SLC9A4: variants seen among roughly 807,000 people sequenced by gnomAD.
SLC9A4 encodes the protein solute carrier family 9 member A4, also known as sodium/hydrogen exchanger 4.
SLC9A4 carries 63 observed loss-of-function variants against 67.4 expected under a neutral mutation model. The observed-to-expected ratio is 0.93, with a 90% CI of 0.76 to 1.15. The LOEUF is 1.15. Among genes scored for constraint, SLC9A4 ranks in the 50% most tolerant of loss-of-function variants. The pLI is 0.00. For synonymous variants in SLC9A4, 393 were observed against 367.2 expected, an observed-to-expected ratio of 1.07 and a Z score of -0.80; for missense variants, 1,089 against 987.7, an observed-to-expected ratio of 1.10 and a Z score of -1.38.
At chr2:102,499,208 C>T (rs1434216500) in intron 2 of SLC9A4, among the ~76,000 whole-genome samples, 3 of 152,128 alleles carry the variant, frequency 2.0e-5, no homozygotes, top group African/African-American at 4.8e-5. Flanking sequence ...ATGGGCATCC[C>T]TGCAGTTAGA....
At chr2:102,492,397 A>G (rs1370373509) in intron 2 of SLC9A4, among the ~76,000 whole-genome samples, 5 of 152,248 alleles carry the variant, frequency 3.3e-5, no homozygotes, top group African/African-American at 1.2e-4. Flanking sequence ...CATACATTCT[A>G]TGAAATCTAG....
chr2:102,513,969 C>G (rs971285720), intron 7 of SLC9A4, 121 bp from the exon 8 acceptor site: 1 of 1,318,620 alleles, frequency 7.6e-7, no homozygotes, highest in African/African-American at 1.5e-5. Flanking sequence ...ATTCCAGGCA[C>G]TGTCCTGATG....
chr2:102,477,345 C>A (rs918025942), intron 1 of SLC9A4, among the ~76,000 whole-genome samples: 5 of 152,200 alleles, frequency 3.3e-5, no homozygotes, highest in African/African-American at 1.2e-4. Flanking sequence ...CCCAAATATG[C>A]AAATCCTCAT....
rs552093292 is a variant in SLC9A4 at position 102,492,702 on chromosome 2, C to T, written c.721-10746C>T. On this transcript the variant is annotated intron_variant, in intron 2 of 11. Transcript: ENST00000295269. ...AAGGTCTCTGATATGTCCTGGAGAC[C>T]CTGGAGACATTTTCCCTATTGTCTT... is the stretch of plus-strand genomic sequence containing the variant. Among the ~76,000 whole-genome samples the T allele has an allele frequency of 2.6e-5, 4 of 152,268 alleles. No homozygotes were observed. The South Asian group carries it at 6.2e-4, about 24-fold the overall frequency.
At chr2:102,500,709 AC>A (rs1416120633) in intron 2 of SLC9A4, among the ~76,000 whole-genome samples, 1 of 152,182 alleles carries the variant, frequency 6.6e-6, no homozygotes, top group Non-Finnish European at 1.5e-5. Context: ...GTGTACAGTT[AC>A]ATGGTGACTG....
chr2:102,484,337 T>C (rs896431056), intron 2 of SLC9A4, among the ~76,000 whole-genome samples: 2 of 152,116 alleles, frequency 1.3e-5, no homozygotes, highest in African/African-American at 4.8e-5. Context: ...ATGCTACCGA[T>C]GAGGAGACTG....
At position 102,503,450 on chromosome 2, in the gene SLC9A4, C is replaced by A. The variant is rs1164462084; in HGVS notation, c.723C>A (p.Val241=). 6.2e-7 allele frequency: 1 copy of A among 1,602,350 alleles called. No individual in the cohort carries two copies. Among genetic ancestry groups the A allele is most frequent in the Admixed American group, 1.7e-5 (1 of 58,442 alleles). ...EALLNDGITV[V]LYNMLIAFTK... is the part of the protein sequence containing the mutation. ...TGTTTACTCTCTTTTTTGCCTAGGT[C>A]TTATACAATATGTTAATTGCCTTTA... The change falls in exon 3 of 12, where the codon GTC becomes GTA. Residue 241 remains valine (V), a splice_region_variant and synonymous_variant. Transcript: ENST00000295269.
At chr2:102,491,215 T>C (rs142312775) in intron 2 of SLC9A4, among the ~76,000 whole-genome samples, 3 of 152,076 alleles carry the variant, frequency 2.0e-5, no homozygotes, top group African/African-American at 7.2e-5. Context: ...AGCTATTACA[T>C]TGTCATTTCG....
At chr2:102,505,978 A>G (rs139085671) in intron 4 of SLC9A4, among the ~76,000 whole-genome samples, 83 of 152,356 alleles carry the variant, frequency 5.4e-4, no homozygotes, top group African/African-American at 1.9e-3. Flanking sequence ...ACAAATACTG[A>G]TAGAAAACAT....
intron 3 of SLC9A4, 77 bp from the exon 4 acceptor site, chr2:102,505,177 G>A (rs560131651): frequency 4.2e-5 from 55 of 1,310,390 alleles, no homozygotes; most frequent in Non-Finnish European, 5.9e-5. Flanking sequence ...TGCATCTGTG[G>A]CATTGCCTGT....
intron 9 of SLC9A4, among the ~76,000 whole-genome samples, chr2:102,520,488 C>T (rs985302836): frequency 8.5e-5 from 13 of 152,188 alleles, no homozygotes; most frequent in African/African-American, 3.1e-4. Context: ...AAAGTGCATA[C>T]TAAGAAGATT....
At position 102,524,966 on chromosome 2, in the gene SLC9A4, T is replaced by A; in HGVS notation, c.1819-58T>A. 1.9e-6 allele frequency: 3 copies of A among 1,602,952 alleles called. 1 individual carries two copies. The South Asian group carries it at 3.3e-5, about 18-fold the overall frequency. The stretch of plus-strand genomic sequence containing the variant: ...GGTTCCTGATGTTTCCATGGCTTCC[T>A]TGGCTGAAAGTTGTATGGAGGAGTC... On this transcript the variant is annotated intron_variant, in intron 9 of 11. Coordinates refer to ENST00000295269, the MANE Select transcript of SLC9A4 (RefSeq NM_001011552.4).
chr2:102,523,444 C>T (rs1674592484), intron 9 of SLC9A4, among the ~76,000 whole-genome samples: 1 of 152,236 alleles, frequency 6.6e-6, no homozygotes, highest in East Asian at 1.9e-4. Context: ...ATTGTCAATC[C>T]CTTGTTGACT....
chr2:102,493,527 C>G (rs1684746708), intron 2 of SLC9A4, among the ~76,000 whole-genome samples: 1 of 151,724 alleles, frequency 6.6e-6, no homozygotes, highest in South Asian at 2.1e-4. Flanking sequence ...AGAACTCACT[C>G]ACTATCATGA....
intron 7 of SLC9A4, among the ~76,000 whole-genome samples, chr2:102,512,955 G>C (rs1255528818): frequency 7.7e-6 from 1 of 130,524 alleles, no homozygotes; most frequent in East Asian, 2.1e-4. Flanking sequence ...AGCGAAGCAC[G>C]AGCGAGTCAG....
intron 2 of SLC9A4, among the ~76,000 whole-genome samples, chr2:102,497,882 T>C (rs968815470): frequency 4.6e-5 from 7 of 152,232 alleles, no homozygotes; most frequent in Non-Finnish European, 1.0e-4. Context: ...TCATCTCTGC[T>C]GAGCCCTGGT....
rs73944372 is a variant in SLC9A4, at chr2:102,504,776, G to T, written c.981-478G>T. The stretch of plus-strand genomic sequence containing the variant: ...TTCTCTTTCCCATACTTGCTTAATG[G>T]CTCTAGAACAGAAATATTTGAAATA... On this transcript the variant is annotated intron_variant, in intron 3 of 11. Coordinates refer to ENST00000295269, the MANE Select transcript of SLC9A4 (RefSeq NM_001011552.4). Among the ~76,000 whole-genome samples, 848 of 152,226 alleles carry T rather than the reference G, an allele frequency of 5.6e-3. 18 individuals are homozygous for T. Among genetic ancestry groups the T allele is most frequent in the African/African-American group, 0.02 (813 of 41,516 alleles).
chr2:102,503,126 T>C (rs1684977098), intron 2 of SLC9A4, among the ~76,000 whole-genome samples: 1 of 152,202 alleles, frequency 6.6e-6, no homozygotes, highest in Non-Finnish European at 1.5e-5. Flanking sequence ...AGGAATTCCA[T>C]TGTCTATTAT....
chr2:102,499,976 A>G (rs1464028236), intron 2 of SLC9A4, among the ~76,000 whole-genome samples: 1 of 152,200 alleles, frequency 6.6e-6, no homozygotes, highest in East Asian at 1.9e-4. Context: ...ATTTCACAGT[A>G]TGGTCATTTT....
Sources: allele counts gnomAD v4.1 joint callset (sites outside exome capture counted in the v4.1 genomes callset), GRCh38; gene constraint gnomAD v4.1.1; transcripts MANE v1.5; gene names NCBI Gene and HGNC (gene_info 2026-07-23, HGNC 2026-07-21).